HELZ: variants seen among roughly 807,000 people sequenced by gnomAD.
HELZ encodes ATP-dependent RNA helicase with zinc finger domain.
HELZ carries 23 observed loss-of-function variants against 218.2 expected under a neutral mutation model. The ratio of observed to expected loss-of-function variants is 0.11; its 90% CI spans 0.08 to 0.15. The LOEUF (loss-of-function observed/expected upper bound fraction) is 0.15, where lower values mean the gene tolerates loss of function less well. Among genes scored for constraint, HELZ ranks in the 10% least tolerant of loss-of-function variants. HELZ has a pLI of 1.00. For synonymous variants in HELZ, 814 were observed against 829.4 expected (o/e 0.98, Z 0.32); for missense variants, 1,813 against 2,353.7 (o/e 0.77, Z 4.75).
chr17:67,172,044 G>A (rs758005965), intron 13 of HELZ, among the ~76,000 whole-genome samples: 4 of 152,044 alleles, frequency 2.6e-5, no homozygotes, highest in Admixed American at 6.6e-5. Context: ...TGTTTGCCAG[G>A]CTGGTCTCGA....
intron 21 of HELZ, 103 bp from the exon 22 acceptor site, chr17:67,138,217 A>T: frequency 3.0e-5 from 24 of 806,590 alleles, no homozygotes; most frequent in South Asian, 4.6e-5. Context: ...ATTTTAGCAG[A>T]TGTCATTTAA....
intron 13 of HELZ, among the ~76,000 whole-genome samples, chr17:67,169,667 C>T (rs1403690826): frequency 1.3e-5 from 2 of 152,072 alleles, no homozygotes; most frequent in Non-Finnish European, 2.9e-5. Context: ...GTTCTTCTCA[C>T]ATACAGAATA....
At chr17:67,088,601 T>C (rs894181255) in intron 31 of HELZ, among the ~76,000 whole-genome samples, 11 of 152,210 alleles carry the variant, frequency 7.2e-5, no homozygotes, top group Non-Finnish European at 1.0e-4. Flanking sequence ...TCTCTCGCTA[T>C]TAAGTTTTGA....
chr17:67,184,302 G>A (rs867873337), intron 12 of HELZ, among the ~76,000 whole-genome samples: 4 of 152,088 alleles, frequency 2.6e-5, no homozygotes, highest in Non-Finnish European at 5.9e-5. Context: ...CTACACCTTC[G>A]GTGTTATTAT....
chr17:67,180,877 CAAAAAAAAA>C (rs1019801835), intron 12 of HELZ, among the ~76,000 whole-genome samples: 1 of 41,902 alleles, frequency 2.4e-5, no homozygotes, highest in Non-Finnish European at 4.5e-5. Flanking sequence ...GACTCCATCT[CAAAAAAAAA>C]AAAAAAAAAA....
rs1598331550 is a variant in HELZ, at chr17:67,153,224, T to C, written c.2178-2000A>G. Among the ~76,000 whole-genome samples, 3 of 152,294 alleles carry C rather than the reference T, an allele frequency of 2.0e-5. No individual in the cohort carries two copies. In the East Asian group the frequency reaches 5.8e-4, roughly 29 times the overall value. On this transcript the variant is annotated intron_variant, in intron 17 of 32. Transcript: ENST00000358691. ...AACAAGACACAATAGTATATTTTCA[T>C]GCTGTACAAAGAAAAAAGTATGCAG...
chr17:67,180,088 A>AT (rs2039565446), intron 12 of HELZ, among the ~76,000 whole-genome samples: 1 of 152,152 alleles, frequency 6.6e-6, no homozygotes, highest in African/African-American at 2.4e-5. Context: ...TTGAAAAGCC[A>AT]TTTTCACATG....
intron 4 of HELZ, 30 bp downstream of exon 4, chr17:67,218,565 A>G (rs2040666099): frequency 6.6e-7 from 1 of 1,513,998 alleles, no homozygotes; most frequent in Non-Finnish European, 9.2e-7. Context: ...TACATAGTTC[A>G]GCATTGGCTT....
intron 27 of HELZ, among the ~76,000 whole-genome samples, chr17:67,118,743 T>A (rs2037507632): frequency 7.0e-6 from 1 of 143,580 alleles, no homozygotes; most frequent in Non-Finnish European, 1.5e-5. Context: ...GAGAAAATAT[T>A]TTCTAAATAT....
At chr17:67,204,784 T>C (rs911633053) in intron 5 of HELZ, among the ~76,000 whole-genome samples, 1 of 152,120 alleles carries the variant, frequency 6.6e-6, no homozygotes, top group African/African-American at 2.4e-5. Flanking sequence ...CACTAGATAA[T>C]TCTGTTATCT....
chr17:67,214,938 G>A (rs961320581), intron 5 of HELZ, among the ~76,000 whole-genome samples: 1 of 152,094 alleles, frequency 6.6e-6, no homozygotes, highest in Admixed American at 6.5e-5. Flanking sequence ...TTGAGCCCAG[G>A]AGTAAGAGAC....
intron 5 of HELZ, among the ~76,000 whole-genome samples, chr17:67,211,607 T>A (rs1471356269): frequency 6.6e-6 from 1 of 152,186 alleles, no homozygotes; most frequent in Non-Finnish European, 1.5e-5. Flanking sequence ...ACGCCTATAA[T>A]CCCAGCACTT....
chr17:67,096,077 G>A (rs2036735051), intron 31 of HELZ, among the ~76,000 whole-genome samples: 1 of 152,274 alleles, frequency 6.6e-6, no homozygotes. Context: ...GTTCTTGGAT[G>A]ACCAACTGCA....
At chr17:67,121,902 G>T (rs1567818002) in intron 26 of HELZ, among the ~76,000 whole-genome samples, 1 of 151,982 alleles carries the variant, frequency 6.6e-6, no homozygotes, top group Non-Finnish European at 1.5e-5. Context: ...TATTTCTTGG[G>T]AACAGTTTTT....
upstream of HELZ, chr17:67,245,437 C>A: frequency 1.0e-6 from 1 of 971,918 alleles, no homozygotes; most frequent in Non-Finnish European, 1.2e-6. Flanking sequence ...CTGCCCCGGC[C>A]TCCCTGCCCC....
At chr17:67,156,125 A>G (rs2038835277) in intron 17 of HELZ, among the ~76,000 whole-genome samples, 1 of 151,362 alleles carries the variant, frequency 6.6e-6, no homozygotes, top group Admixed American at 6.6e-5. Context: ...GGCTAGGTTA[A>G]TTAAAAAAAA....
intron 31 of HELZ, among the ~76,000 whole-genome samples, chr17:67,097,209 A>G (rs904021954): frequency 1.3e-5 from 2 of 152,234 alleles, no homozygotes. Context: ...AAGATTATTG[A>G]TCACAACAGA....
At chr17:67,140,205 C>T (rs2038279725) in intron 21 of HELZ, among the ~76,000 whole-genome samples, 1 of 152,192 alleles carries the variant, frequency 6.6e-6, no homozygotes, top group Non-Finnish European at 1.5e-5. Context: ...GGATTACACA[C>T]AAACATACAG....
rs917518885 is a variant in HELZ, at chr17:67,071,907, GCTCT to G, written c.*6341_*6344del. Reference sequence around the variant, plus strand: ...TTTTCTGCCATATGTAACACTTCAGGCTCTCTCTAACACCTGCTGGCATGGCAGA... The same window carrying G: ...TTTTCTGCCATATGTAACACTTCAGGCTCTAACACCTGCTGGCATGGCAGA... On this transcript the variant is annotated 3_prime_UTR_variant, in exon 33 of 33. Transcript: ENST00000358691. The G allele has an allele frequency of 3.9e-5, 6 of 152,328 alleles. No individual in the cohort carries two copies. The highest frequency in any genetic ancestry group is 4.2e-4 in the South Asian group (2 of 4,802). 9.4% of individuals were successfully genotyped at this position (152,328 alleles called of 1,614,324 possible).
Sources: allele counts gnomAD v4.1 joint callset (sites outside exome capture counted in the v4.1 genomes callset), GRCh38; gene constraint gnomAD v4.1.1; transcripts MANE v1.5; gene names NCBI Gene and HGNC (gene_info 2026-07-23, HGNC 2026-07-21).